RORA: variants seen among roughly 807,000 people sequenced by gnomAD.
The protein encoded by RORA is nuclear receptor ROR-alpha.
A neutral mutation model predicts 69.5 loss-of-function variants in RORA; 7 were observed. The ratio of observed to expected loss-of-function variants is 0.10; its 90% CI spans 0.06 to 0.19. The LOEUF (loss-of-function observed/expected upper bound fraction) is 0.19, where lower values mean the gene tolerates loss of function less well. Ranked by LOEUF, RORA falls within the 10% of genes least tolerant of loss-of-function variation. The pLI is 1.00. For missense variants in RORA, 457 were observed against 663.0 expected (o/e 0.69, Z 3.41); for synonymous variants, 261 against 240.8 (o/e 1.08, Z -0.78).
At chr15:60,697,739 T>G (rs187746486) in intron 1 of RORA, among the ~76,000 whole-genome samples, 350 of 152,338 alleles carry the variant, frequency 2.3e-3, no homozygotes, top group Middle Eastern at 6.8e-3. Context: ...TTCTAATTTT[T>G]ATACTTTCCT....
intron 1 of RORA, among the ~76,000 whole-genome samples, chr15:60,837,511 G>C (rs915536061): frequency 2.0e-5 from 3 of 152,176 alleles, no homozygotes; most frequent in African/African-American, 4.8e-5. Flanking sequence ...CTTGGTAGCA[G>C]GTACTACAAG....
At chr15:60,712,893 A>G (rs1165923762) in intron 1 of RORA, among the ~76,000 whole-genome samples, 1 of 152,166 alleles carries the variant, frequency 6.6e-6, no homozygotes. Context: ...TGAAAATACT[A>G]TCTCTTGGAC....
intron 1 of RORA, among the ~76,000 whole-genome samples, chr15:60,786,899 C>T (rs996437722): frequency 3.9e-5 from 6 of 152,192 alleles, no homozygotes; most frequent in South Asian, 2.1e-4. Flanking sequence ...ACCTTCCCAG[C>T]GGAGGTGTGG....
At chr15:60,538,580 C>T (rs1049095123) in intron 2 of RORA, among the ~76,000 whole-genome samples, 1 of 152,100 alleles carries the variant, frequency 6.6e-6, no homozygotes, top group African/African-American at 2.4e-5. Context: ...GTTTTTTAAT[C>T]ATTGGTTTCC....
rs1405226766 is a variant in RORA at position 60,490,414 on chromosome 15, T to G, written c.*7041A>C. Reference sequence around the variant, plus strand: ...TTGATAAACAGATAAATATTTGCACTGAGTAGGCTGTTTATAATATAACAT... The same window carrying G: ...TTGATAAACAGATAAATATTTGCACGGAGTAGGCTGTTTATAATATAACAT... On this transcript the variant is annotated 3_prime_UTR_variant, in exon 11 of 11. Transcript: ENST00000335670. This position sits in a 1 kb window ranked among gnomAD's most constrained non-coding sequence, Gnocchi z 4.1. 1 of 152,144 alleles carries G rather than the reference T, an allele frequency of 6.6e-6. No homozygotes were observed. Among genetic ancestry groups the G allele is most frequent in the African/African-American group, 2.4e-5 (1 of 41,446 alleles). 9.4% of individuals were successfully genotyped at this position (152,144 alleles called of 1,614,324 possible).
At chr15:61,026,772 A>C (rs1430906623) in intron 1 of RORA, among the ~76,000 whole-genome samples, 1 of 152,196 alleles carries the variant, frequency 6.6e-6, no homozygotes, top group Non-Finnish European at 1.5e-5. Flanking sequence ...TTTTAAACTC[A>C]AAAACCAGAC....
At chr15:61,015,713 T>C (rs1200390224) in intron 1 of RORA, among the ~76,000 whole-genome samples, 2 of 152,248 alleles carry the variant, frequency 1.3e-5, no homozygotes, top group South Asian at 2.1e-4. Flanking sequence ...ATCACAGATC[T>C]GTTTTTAAAA....
chr15:60,738,673 TG>T (rs113964749), intron 1 of RORA, among the ~76,000 whole-genome samples: 5 of 152,370 alleles, frequency 3.3e-5, no homozygotes, highest in African/African-American at 1.2e-4. Context: ...AAAATAGTTT[TG>T]TTGGTCCCTA....
intron 1 of RORA, among the ~76,000 whole-genome samples, chr15:60,777,503 G>A (rs545609013): frequency 7.2e-5 from 11 of 152,158 alleles, no homozygotes; most frequent in African/African-American, 2.7e-4. Flanking sequence ...TCTCTAAAAT[G>A]GCATAATCTT....
At chr15:61,202,876 T>G (rs950563818) in intron 1 of RORA, among the ~76,000 whole-genome samples, 4 of 152,196 alleles carry the variant, frequency 2.6e-5, no homozygotes, top group East Asian at 1.9e-4. Context: ...TCCACTACCC[T>G]GTGTTGCAGG....
At chr15:60,660,680 A>T (rs1268766528) in intron 2 of RORA, among the ~76,000 whole-genome samples, 2 of 152,168 alleles carry the variant, frequency 1.3e-5, no homozygotes, top group Non-Finnish European at 2.9e-5. Context: ...GGTAACACAC[A>T]GGCACTGCTG....
chr15:60,503,495 G>A (rs372299382), intron 7 of RORA, 40 bp downstream of exon 7: 3 of 1,609,972 alleles, frequency 1.9e-6, no homozygotes, highest in Non-Finnish European at 2.5e-6. Flanking sequence ...GTGAAAGCAG[G>A]TTAGGAAGAG....
chr15:60,644,466 A>C (rs977240937), intron 2 of RORA, among the ~76,000 whole-genome samples: 1 of 152,242 alleles, frequency 6.6e-6, no homozygotes, highest in African/African-American at 2.4e-5. Context: ...CTTCATTAGA[A>C]GGGCAACTTC....
intron 1 of RORA, among the ~76,000 whole-genome samples, chr15:61,138,460 G>A (rs2140858915): frequency 6.6e-6 from 1 of 152,278 alleles, no homozygotes. Context: ...CTCCCCCAGG[G>A]TTACGAAGAC....
chr15:60,768,869 G>C (rs1048741490), intron 1 of RORA, among the ~76,000 whole-genome samples: 1 of 152,226 alleles, frequency 6.6e-6, no homozygotes, highest in African/African-American at 2.4e-5. Flanking sequence ...TTCAAGAAAG[G>C]ATGCAGAGTA....
chr15:61,039,755 A>G (rs1896646246), intron 1 of RORA, among the ~76,000 whole-genome samples: 1 of 151,314 alleles, frequency 6.6e-6, no homozygotes, highest in African/African-American at 2.4e-5. Flanking sequence ...AAAAAAAAAA[A>G]AAAAAAAATA....
chr15:61,049,114 T>A (rs1293676613), intron 1 of RORA, among the ~76,000 whole-genome samples: 1 of 152,190 alleles, frequency 6.6e-6, no homozygotes, highest in African/African-American at 2.4e-5. Context: ...AGGCTCAGTG[T>A]TTTCGGAAAC....
intron 1 of RORA, among the ~76,000 whole-genome samples, chr15:60,885,274 T>C (rs962720229): frequency 2.0e-5 from 3 of 152,236 alleles, no homozygotes; most frequent in Admixed American, 6.5e-5. Context: ...GAAGTCCAAG[T>C]ACTCTGTAGT....
At chr15:60,670,629 A>G (rs1421964426) in intron 2 of RORA, among the ~76,000 whole-genome samples, 2 of 152,122 alleles carry the variant, frequency 1.3e-5, no homozygotes, top group Non-Finnish European at 2.9e-5. Flanking sequence ...TCACTCCTAC[A>G]TAGAAAAACA....
Sources: allele counts gnomAD v4.1 joint callset (sites outside exome capture counted in the v4.1 genomes callset), GRCh38; gene constraint gnomAD v4.1.1; non-coding constraint Gnocchi (gnomAD v3.1); transcripts MANE v1.5; gene names NCBI Gene and HGNC (gene_info 2026-07-23, HGNC 2026-07-21).